The following TTC28 variants were observed in gnomAD, a reference collection of about 807,000 sequenced individuals.
TTC28 encodes the protein tetratricopeptide repeat domain 28.
TTC28 carries 61 observed loss-of-function variants against 198.0 expected under a neutral mutation model. The ratio of observed to expected loss-of-function variants is 0.31; its 90% CI spans 0.25 to 0.38. The LOEUF is 0.38. Among genes scored for constraint, TTC28 ranks in the 10% least tolerant of loss-of-function variants. The pLI, the probability that TTC28 is intolerant of heterozygous loss-of-function variation, is 1.00. For synonymous variants in TTC28, 1,171 were observed against 1,297.8 expected, an observed-to-expected ratio of 0.90 and a Z score of 2.10; for missense variants, 2,678 against 3,164.0, an observed-to-expected ratio of 0.85 and a Z score of 3.69.
At chr22:28,117,670 G>C (rs942918251) in intron 6 of TTC28, among the ~76,000 whole-genome samples, 1 of 152,192 alleles carries the variant, frequency 6.6e-6, no homozygotes, top group Non-Finnish European at 1.5e-5. Flanking sequence ...GCACACTGAA[G>C]TCTACTACAA....
rs78099932 is a variant in TTC28, at chr22:28,262,416, C to A, written c.933+33782G>T. 8.6e-3 allele frequency among the ~76,000 whole-genome samples: 1,316 copies of A among 152,188 alleles called. 17 individuals carry two copies. Among genetic ancestry groups the A allele is most frequent in the African/African-American group, 0.03 (1,245 of 41,530 alleles). On this transcript the variant is annotated intron_variant, in intron 5 of 22. Transcript: ENST00000397906. ...TCTAGAAAAATAGTTTTCCATATGG[C>A]GGTATGGCTTCATTAAAGTTACATC...
At position 28,436,088 on chromosome 22, in the gene TTC28, G is replaced by A. The variant is rs149291273; in HGVS notation, c.382-129445C>T. On this transcript the variant is annotated intron_variant, in intron 2 of 22. Transcript: ENST00000397906. Reference sequence around the variant, plus strand: ...ATAACTGTGACTTTAATTTTAATAGGTGCATAGTTAAGATTATCCCTTTAA... The same window carrying A: ...ATAACTGTGACTTTAATTTTAATAGATGCATAGTTAAGATTATCCCTTTAA... Among the ~76,000 whole-genome samples the A allele has an allele frequency of 7.9e-5, 12 of 152,204 alleles. No individual in the cohort carries two copies. In the East Asian group the frequency reaches 2.1e-3, roughly 27 times the overall value.
At chr22:28,185,222 T>A (rs1924078960) in intron 5 of TTC28, among the ~76,000 whole-genome samples, 2 of 152,216 alleles carry the variant, frequency 1.3e-5, no homozygotes, top group South Asian at 4.1e-4. Flanking sequence ...AAACACAGGC[T>A]GTTTCTGAGT....
chr22:28,600,294 A>C (rs2050618082), intron 2 of TTC28, among the ~76,000 whole-genome samples: 1 of 151,890 alleles, frequency 6.6e-6, no homozygotes, highest in Non-Finnish European at 1.5e-5. Context: ...AGTCCCCGCT[A>C]CCTAAGAGGC....
intron 2 of TTC28, among the ~76,000 whole-genome samples, chr22:28,348,261 A>T (rs1464369123): frequency 6.6e-6 from 1 of 152,216 alleles, no homozygotes; most frequent in Admixed American, 6.5e-5. Flanking sequence ...GCCATTGCCC[A>T]CGTGCATGGA....
intron 2 of TTC28, among the ~76,000 whole-genome samples, chr22:28,538,439 A>G (rs1390688631): frequency 3.3e-5 from 5 of 152,008 alleles, no homozygotes; most frequent in African/African-American, 1.2e-4. Flanking sequence ...TAAATAAGAA[A>G]CTGGTAATGC....
intron 2 of TTC28, among the ~76,000 whole-genome samples, chr22:28,401,229 C>CGAT (rs964778729): frequency 6.6e-6 from 1 of 151,936 alleles, no homozygotes; most frequent in Non-Finnish European, 1.5e-5. Context: ...ATGACGACGA[C>CGAT]GATGACGACG....
At chr22:28,020,514 G>A (rs1187963453) in intron 13 of TTC28, among the ~76,000 whole-genome samples, 1 of 152,186 alleles carries the variant, frequency 6.6e-6, no homozygotes, top group Admixed American at 6.5e-5. Context: ...CTGGAATGAT[G>A]ACAAATGCCA....
At chr22:28,252,920 TGA>T (rs1930628857) in intron 5 of TTC28, among the ~76,000 whole-genome samples, 1 of 152,184 alleles carries the variant, frequency 6.6e-6, no homozygotes, top group African/African-American at 2.4e-5. Flanking sequence ...TGTCAAATAC[TGA>T]GATGGGATTT....
intron 5 of TTC28, among the ~76,000 whole-genome samples, chr22:28,257,780 A>ATATC (rs1241022504): frequency 2.3e-5 from 3 of 128,132 alleles, no homozygotes; most frequent in African/African-American, 8.7e-5. Flanking sequence ...ATATATATAT[A>ATATC]TCTTCTACTT....
intron 2 of TTC28, among the ~76,000 whole-genome samples, chr22:28,361,170 A>C (rs1478173862): frequency 2.6e-5 from 4 of 152,204 alleles, no homozygotes; most frequent in Non-Finnish European, 5.9e-5. Context: ...ACTTTAAATC[A>C]AAAGCTAGAA....
intron 6 of TTC28, among the ~76,000 whole-genome samples, chr22:28,119,527 C>T (rs1033922746): frequency 6.6e-6 from 1 of 152,200 alleles, no homozygotes; most frequent in Admixed American, 6.5e-5. Context: ...GAACCCATTT[C>T]CTTAAGTACC....
intron 3 of TTC28, among the ~76,000 whole-genome samples, chr22:28,300,752 CAGA>C (rs1231680853): frequency 6.6e-6 from 1 of 152,084 alleles, no homozygotes; most frequent in African/African-American, 2.4e-5. Context: ...GCATTTTATG[CAGA>C]AGATTTGTCC....
At chr22:28,175,186 T>A (rs1012135789) in intron 5 of TTC28, among the ~76,000 whole-genome samples, 4 of 152,106 alleles carry the variant, frequency 2.6e-5, no homozygotes, top group Non-Finnish European at 4.4e-5. Context: ...TGAAAAAGCT[T>A]CATGATATTG....
At chr22:28,298,503 AG>A (rs1340910213) in intron 3 of TTC28, among the ~76,000 whole-genome samples, 3 of 152,096 alleles carry the variant, frequency 2.0e-5, no homozygotes, top group Non-Finnish European at 2.9e-5. Flanking sequence ...GCTGGAGTGC[AG>A]TGGCATAATC....
intron 2 of TTC28, among the ~76,000 whole-genome samples, chr22:28,610,367 C>A (rs1256980296): frequency 1.3e-5 from 2 of 152,154 alleles, no homozygotes; most frequent in Non-Finnish European, 2.9e-5. Flanking sequence ...GGGTGCCCCT[C>A]TGGAAAGAAG....
chr22:28,526,497 A>G (rs1044398993), intron 2 of TTC28, among the ~76,000 whole-genome samples: 3 of 152,216 alleles, frequency 2.0e-5, no homozygotes, highest in African/African-American at 7.2e-5. Flanking sequence ...TGCAGTGGGC[A>G]AGAATAGCAT....
chr22:28,458,427 G>C lies in TTC28; in HGVS notation c.382-151784C>G, dbSNP rs137973368. On this transcript the variant is annotated intron_variant, in intron 2 of 22. Transcript: ENST00000397906. ...TGGGTCAATTTGAAAAATCCCAAAT[G>C]TATCTAAGCCTACTTTTCAACAACT... Among the ~76,000 whole-genome samples the C allele has an allele frequency of 4.2e-4, 64 of 152,204 alleles. No individual in the cohort carries two copies. The East Asian group carries it at 4.8e-3, about 11-fold the overall frequency.
intron 5 of TTC28, among the ~76,000 whole-genome samples, chr22:28,246,836 A>G (rs891038131): frequency 1.2e-4 from 18 of 152,188 alleles, no homozygotes; most frequent in African/African-American, 4.3e-4. Flanking sequence ...CCAGCATCAT[A>G]AATTCGTAAA....
Sources: gnomAD v4.1 joint callset for allele counts (sites outside exome capture counted in the v4.1 genomes callset) on GRCh38, gnomAD v4.1.1 for gene constraint, MANE v1.5 for transcripts, NCBI Gene and HGNC (gene_info 2026-07-23, HGNC 2026-07-21) for gene names.